Variants in MS4A1 observed in about 807,000 individuals in gnomAD.
MS4A1 encodes the protein B-lymphocyte antigen CD20.
In MS4A1, 16 loss-of-function variants were observed where a neutral mutation model predicts 26.5. The observed-to-expected ratio is 0.60, with a 90% CI of 0.41 to 0.92. The LOEUF (loss-of-function observed/expected upper bound fraction) is 0.92. MS4A1 is among the 40% of genes least tolerant of loss of function. The probability of loss-of-function intolerance (pLI) is 0.00; values close to 1 mark genes in which losing one functional copy is unlikely to be tolerated. For missense variants in MS4A1, 350 were observed against 353.0 expected, an observed-to-expected ratio of 0.99 and a Z score of 0.07; for synonymous variants, 128 against 117.6, an observed-to-expected ratio of 1.09 and a Z score of -0.57.
chr11:60,466,126 A>C lies in MS4A1; in HGVS notation c.542A>C (p.Gln181Pro), dbSNP rs1258680761. ...NPSEKNSPST[Q>P]YCYSIQSLFL... ...TCTGAGAAAAACTCCCCATCTACCCAATACTGTTACAGCATACAATCTCTG... is the reference window on the plus strand; with the variant it reads ...TCTGAGAAAAACTCCCCATCTACCCCATACTGTTACAGCATACAATCTCTG... The change falls in exon 6 of 8, where the codon CAA becomes CCA. Residue 181 changes from glutamine to proline, a missense_variant. Gln to Pro is a moderately conservative substitution (Grantham distance 76, BLOSUM62 -1). Coordinates refer to ENST00000345732, the MANE Select transcript of MS4A1 (RefSeq NM_152866.3). The C allele has an allele frequency of 6.2e-7, 1 of 1,612,612 alleles. No individual in the cohort carries two copies.
chr11:60,456,564 C>T (rs929305449), intron 1 of MS4A1, among the ~76,000 whole-genome samples: 8 of 152,102 alleles, frequency 5.3e-5, no homozygotes, highest in Admixed American at 5.2e-4. Context: ...AATCCTGCCT[C>T]AAATCTATCA....
chr11:60,462,917 C>A, intron 3 of MS4A1, 85 bp from the exon 4 acceptor site: 1 of 1,589,170 alleles, frequency 6.3e-7, no homozygotes. Context: ...AGCTCCAAGT[C>A]AGGAGCCAGA....
intron 4 of MS4A1, chr11:60,463,788 C>T (rs1052710350): frequency 2.2e-6 from 1 of 455,652 alleles, no homozygotes; most frequent in Admixed American, 2.3e-5. Flanking sequence ...GGAAGATGAG[C>T]AATAGTCATC....
At chr11:60,461,845 C>A (rs758120446) in intron 2 of MS4A1, among the ~76,000 whole-genome samples, 9 of 148,994 alleles carry the variant, frequency 6.0e-5, no homozygotes, top group South Asian at 2.1e-4. Context: ...ATGTGACTTG[C>A]ACAAGGTGGC....
chr11:60,461,509 A>G (rs902058820), intron 2 of MS4A1, among the ~76,000 whole-genome samples: 11 of 151,620 alleles, frequency 7.3e-5, no homozygotes, highest in African/African-American at 2.7e-4. Flanking sequence ...CTGCATTAGA[A>G]AGCCTTAGAG....
Position 60,467,631 on chromosome 11 carries a change from A to G in MS4A1, c.675+571A>G, listed in dbSNP as rs186788734. 1.6e-4 allele frequency among the ~76,000 whole-genome samples: 24 copies of G among 151,894 alleles called. 1 individual carries two copies. In the East Asian group the frequency reaches 4.1e-3, roughly 26 times the overall value. ...TGCTTGACTTCAGGCTTCCATCCTG[A>G]TTTCATGATTCCATATACAGTGTGT... is the stretch of plus-strand genomic sequence containing the variant. On this transcript the variant is annotated intron_variant, in intron 7 of 7. Transcript: ENST00000345732.
chr11:60,465,024 A>G (rs1265838852), intron 5 of MS4A1, among the ~76,000 whole-genome samples: 1 of 152,168 alleles, frequency 6.6e-6, no homozygotes, highest in Non-Finnish European at 1.5e-5. Flanking sequence ...TTCATAATCA[A>G]TGAGGGAATG....
chr11:60,467,170 T>TAAAA, intron 7 of MS4A1, 110 bp downstream of exon 7: 1 of 742,184 alleles, frequency 1.3e-6, no homozygotes, highest in Non-Finnish European at 2.2e-6. Context: ...GAGCTTGATT[T>TAAAA]AAAAAAAAAA....
intron 1 of MS4A1, among the ~76,000 whole-genome samples, chr11:60,459,190 C>A (rs1485430407): frequency 6.6e-6 from 1 of 152,250 alleles, no homozygotes; most frequent in African/African-American, 2.4e-5. Flanking sequence ...TTTAAGTTAT[C>A]TTCACTAAAG....
Position 60,462,398 on chromosome 11 carries a change from A to G in MS4A1, c.24A>G (p.Val8=), listed in dbSNP as rs2086254977. ...AAATGACAACACCCAGAAATTCAGT[A>G]AATGGGACTTTCCCGGCAGAGCCAA... MTTPRNS[V]NGTFPAEPMK... The change falls in exon 3 of 8, where the codon GTA becomes GTG. Residue 8 remains valine, a synonymous_variant. Transcript: ENST00000345732. 6.2e-7 allele frequency: 1 copy of G among 1,614,218 alleles called. No homozygotes were observed. Among genetic ancestry groups the G allele is most frequent in the Non-Finnish European group, 8.5e-7 (1 of 1,180,034 alleles).
In MS4A1 at chr11:60,464,270, C is replaced by G. The variant is rs200047477; in HGVS notation, c.280-18C>G. Reference sequence around the variant, plus strand: ...TTGCCCACCCCCTCTCCATCTCCCCCACCTCTCTTTTTTACAGTATATTAT... The same window carrying G: ...TTGCCCACCCCCTCTCCATCTCCCCGACCTCTCTTTTTTACAGTATATTAT... On this transcript the variant is annotated intron_variant, in intron 4 of 7. Coordinates refer to ENST00000345732, the MANE Select transcript of MS4A1 (RefSeq NM_152866.3). The G allele has an allele frequency of 2.5e-6, 4 of 1,604,154 alleles. No individual in the cohort carries two copies. Among genetic ancestry groups the G allele is most frequent in the Non-Finnish European group, 3.4e-6 (4 of 1,172,122 alleles).
intron 7 of MS4A1, among the ~76,000 whole-genome samples, chr11:60,467,401 C>T (rs746080740): frequency 1.9e-4 from 29 of 151,880 alleles, no homozygotes; most frequent in Middle Eastern, 3.4e-3. Flanking sequence ...CTCACCCTCC[C>T]GAGTAGCTGG....
At chr11:60,466,806 T>C in intron 6 of MS4A1, 153 bp from the exon 7 acceptor site, 1 of 754,726 alleles carries the variant, frequency 1.3e-6, no homozygotes, top group Non-Finnish European at 2.3e-6. Context: ...AGATGCTGTC[T>C]CCTGTACTAG....
Position 60,462,323 on chromosome 11 carries a change from T to C in MS4A1, c.-52T>C, listed in dbSNP as rs771533687. On this transcript the variant is annotated 5_prime_UTR_variant, in exon 3 of 8. Transcript: ENST00000345732. ...GGTAAGACTGCCAAAAATCTTGTTC[T>C]TGCTCTCCTCATTTTGTTATTTGTT... The C allele has an allele frequency of 1.9e-6, 3 of 1,606,706 alleles. No homozygotes were observed. Among genetic ancestry groups the C allele is most frequent in the Admixed American group, 3.3e-5 (2 of 59,998 alleles).
chr11:60,462,571 C>A, intron 3 of MS4A1, 38 bp downstream of exon 3: 2 of 1,613,108 alleles, frequency 1.2e-6, no homozygotes, highest in Non-Finnish European at 8.5e-7. Flanking sequence ...CGTAGGGATT[C>A]TCTGGCTGAC....
chr11:60,468,336 C>T lies in MS4A1; in HGVS notation c.762C>T (p.Ser254=), dbSNP rs200879124. 5 of 1,613,792 alleles carry T rather than the reference C, an allele frequency of 3.1e-6. No homozygotes were observed. The highest frequency in any genetic ancestry group is 4.2e-6 in the Non-Finnish European group (5 of 1,179,906). Residue 254 remains serine, a synonymous_variant, in exon 8 of 8, where the codon TCC becomes TCT. Transcript: ENST00000345732. ...TGGTTGGGCTAACTGAAACATCTTC[C>T]CAACCAAAGAATGAAGAAGACATTG... ...EEVVGLTETS[S]QPKNEEDIEI...
At chr11:60,462,667 C>A in intron 3 of MS4A1, 134 bp downstream of exon 3, 2 of 1,169,978 alleles carry the variant, frequency 1.7e-6, no homozygotes, top group Non-Finnish European at 2.5e-6. Context: ...TTATGTCTAA[C>A]ACAGTGGGCC....
chr11:60,468,274 G>GA lies in MS4A1; in HGVS notation c.708dup (p.Glu237ArgfsTer5). ...GAACATAGTTCTCCTGTCAGCAGAA[G>GA]AAAAAAAAGAACAGACTATTGAAAT... is the stretch of plus-strand genomic sequence containing the variant. On this transcript the variant is annotated frameshift_variant, in exon 8 of 8. Transcript: ENST00000345732. LOFTEE classifies it high-confidence loss of function. 1.2e-6 allele frequency: 2 copies of GA among 1,612,134 alleles called. No individual in the cohort carries two copies. The highest frequency in any genetic ancestry group is 1.7e-6 in the Non-Finnish European group (2 of 1,179,082).
In MS4A1 at chr11:60,460,115, G is replaced by A. The variant is rs544477943; in HGVS notation, c.-279-957G>A. Among the ~76,000 whole-genome samples the A allele has an allele frequency of 2.6e-5, 4 of 152,058 alleles. No individual in the cohort carries two copies. The South Asian group carries it at 8.3e-4, about 32-fold the overall frequency. On this transcript the variant is annotated intron_variant, in intron 1 of 7. Coordinates refer to ENST00000345732, the MANE Select transcript of MS4A1 (RefSeq NM_152866.3). ...ATAAAAATTAGCTGAGTATGGTGGT[G>A]GTTGCCCGTGGTCCCAGCTACTCCA...
Sources: gnomAD v4.1 joint callset for allele counts (sites outside exome capture counted in the v4.1 genomes callset) on GRCh38, gnomAD v4.1.1 for gene constraint, MANE v1.5 for transcripts, NCBI Gene and HGNC (gene_info 2026-07-23, HGNC 2026-07-21) for gene names.